NCKAP5: variants seen among roughly 807,000 people sequenced by gnomAD.
NCKAP5 encodes the protein nck-associated protein 5.
In NCKAP5, 92 loss-of-function variants were observed where a neutral mutation model predicts 167.0. The ratio of observed to expected loss-of-function variants is 0.55; its 90% confidence interval spans 0.47 to 0.66. The LOEUF is 0.66. Ranked by LOEUF, NCKAP5 falls within the 30% of genes least tolerant of loss-of-function variation. The pLI is 0.00. For synonymous variants in NCKAP5, 891 were observed against 877.4 expected (o/e 1.02, Z -0.27); for missense variants, 2,378 against 2,315.0 (o/e 1.03, Z -0.56).
the NCKAP5 span, among the ~76,000 whole-genome samples, chr2:133,598,019 G>A: frequency 2.0e-5 from 3 of 152,190 alleles, no homozygotes; most frequent in Non-Finnish European, 4.4e-5. Flanking sequence ...GCTCCAGGTA[G>A]TGTGACTAAG....
chr2:132,934,243 A>C (rs1175257537), intron 8 of NCKAP5, among the ~76,000 whole-genome samples: 1 of 152,176 alleles, frequency 6.6e-6, no homozygotes, highest in Non-Finnish European at 1.5e-5. Flanking sequence ...GGCAACTAGA[A>C]ACTACGTGAA....
intron 4 of NCKAP5, among the ~76,000 whole-genome samples, chr2:133,284,198 T>C (rs1041180593): frequency 1.3e-5 from 2 of 151,806 alleles, no homozygotes; most frequent in Non-Finnish European, 2.9e-5. Flanking sequence ...ATAAATAGAA[T>C]AAACATAGAA....
At chr2:133,512,857 T>G (rs547518953) in intron 3 of NCKAP5, among the ~76,000 whole-genome samples, 1 of 151,988 alleles carries the variant, frequency 6.6e-6, no homozygotes, top group South Asian at 2.1e-4. Context: ...CCATGGCCCC[T>G]CCATGTAGTT....
intron 8 of NCKAP5, among the ~76,000 whole-genome samples, chr2:132,931,763 AG>A (rs1696396005): frequency 6.6e-6 from 1 of 152,230 alleles, no homozygotes. Context: ...GTAGCTCCCT[AG>A]GTAATTATAA....
chr2:132,768,989 G>T (rs941124783), intron 16 of NCKAP5, among the ~76,000 whole-genome samples: 3 of 146,818 alleles, frequency 2.0e-5, no homozygotes, highest in Non-Finnish European at 3.0e-5. Context: ...CTGTCGCCTG[G>T]GCTGGAGTGC....
intron 6 of NCKAP5, among the ~76,000 whole-genome samples, chr2:133,102,112 A>G (rs1281636777): frequency 3.3e-5 from 5 of 151,906 alleles, no homozygotes. Flanking sequence ...GAATTGTAAT[A>G]CACTGATTTT....
At chr2:132,692,719 C>T (rs1417538485) in intron 19 of NCKAP5, among the ~76,000 whole-genome samples, 4 of 152,200 alleles carry the variant, frequency 2.6e-5, no homozygotes, top group African/African-American at 9.7e-5. Flanking sequence ...TCTCTAATTA[C>T]ATCAATACTC....
intron 7 of NCKAP5, among the ~76,000 whole-genome samples, chr2:132,968,539 T>C (rs1459214840): frequency 6.6e-6 from 1 of 152,162 alleles, no homozygotes; most frequent in Non-Finnish European, 1.5e-5. Flanking sequence ...CAATGTCTCT[T>C]CCAGTGTTAA....
the NCKAP5 span, among the ~76,000 whole-genome samples, chr2:133,617,197 T>C: frequency 3.9e-5 from 6 of 152,194 alleles, no homozygotes; most frequent in South Asian, 1.0e-3. Context: ...GCCAATATCA[T>C]ACTGAATGGG....
intron 6 of NCKAP5, among the ~76,000 whole-genome samples, chr2:132,996,045 C>T (rs79551874): frequency 6.8e-4 from 104 of 152,208 alleles, no homozygotes; most frequent in African/African-American, 2.4e-3. Flanking sequence ...ACTAGGCCTA[C>T]GCAGGGTCAG....
At chr2:132,808,565 C>T (rs77482984) in intron 11 of NCKAP5, among the ~76,000 whole-genome samples, 7,526 of 152,008 alleles carry the variant, frequency 0.05, 363 homozygotes, top group East Asian at 0.13. Flanking sequence ...TTTACAGCAG[C>T]CTTAATTGAT....
At chr2:133,151,307 T>C (rs2083377002) in intron 5 of NCKAP5, among the ~76,000 whole-genome samples, 1 of 152,010 alleles carries the variant, frequency 6.6e-6, no homozygotes, top group Admixed American at 6.6e-5. Flanking sequence ...TTCATTAAAA[T>C]GAAAAACCTT....
chr2:133,581,144 T>C, the NCKAP5 span, among the ~76,000 whole-genome samples: 11 of 152,290 alleles, frequency 7.2e-5, no homozygotes, highest in Non-Finnish European at 1.5e-5. Flanking sequence ...AATAAATCTG[T>C]ATAGAATGAC....
chr2:132,717,074 A>T (rs1452078625), intron 19 of NCKAP5, among the ~76,000 whole-genome samples: 5 of 152,142 alleles, frequency 3.3e-5, no homozygotes, highest in Non-Finnish European at 7.3e-5. Flanking sequence ...AATAGTGACT[A>T]AGAGAAATTT....
chr2:133,557,060 C>T (rs555432115), intron 2 of NCKAP5, among the ~76,000 whole-genome samples: 1 of 152,272 alleles, frequency 6.6e-6, no homozygotes, highest in Non-Finnish European at 1.5e-5. Flanking sequence ...CAACAGAATA[C>T]AAACCACATG....
At chr2:132,944,524 T>G (rs879804390) in intron 8 of NCKAP5, among the ~76,000 whole-genome samples, 2 of 152,160 alleles carry the variant, frequency 1.3e-5, no homozygotes, top group Non-Finnish European at 1.5e-5. Context: ...CTTGAGTAAC[T>G]TGTCCAAGGC....
Position 132,728,805 on chromosome 2 carries a change from C to T in NCKAP5, c.5580+11G>A, listed in dbSNP as rs763716744. 6.8e-6 allele frequency: 11 copies of T among 1,613,468 alleles called. No homozygotes were observed. Among genetic ancestry groups the T allele is most frequent in the Admixed American group, 1.7e-5 (1 of 60,000 alleles). On this transcript the variant is annotated intron_variant, in intron 18 of 19. Coordinates refer to ENST00000409261, the MANE Select transcript of NCKAP5 (RefSeq NM_207363.3). ...GGTGGATTGCACCCTTCACCTCCCC[C>T]GACCCCTCACCTGGGTCCCGGTGGC...
intron 3 of NCKAP5, 50 bp from the exon 4 acceptor site, chr2:133,303,160 C>T: frequency 1.6e-6 from 2 of 1,268,120 alleles, no homozygotes; most frequent in Non-Finnish European, 1.1e-6. Context: ...CAGTCCCCAC[C>T]ATCCTAAGAC....
intron 3 of NCKAP5, among the ~76,000 whole-genome samples, chr2:133,505,548 T>C (rs1682929646): frequency 6.6e-6 from 1 of 151,944 alleles, no homozygotes; most frequent in South Asian, 2.1e-4. Context: ...GTGTTGTGAG[T>C]CCTTTCCCTA....
Sources: allele counts gnomAD v4.1 joint callset (sites outside exome capture counted in the v4.1 genomes callset), GRCh38; gene constraint gnomAD v4.1.1; transcripts MANE v1.5; gene names NCBI Gene and HGNC (gene_info 2026-07-23, HGNC 2026-07-21).